The following PPP4R3A variants were observed in gnomAD, a reference collection of about 807,000 sequenced individuals.
PPP4R3A encodes the protein protein phosphatase 4 regulatory subunit 3A, also known as serine/threonine-protein phosphatase 4 regulatory subunit 3A.
A neutral mutation model predicts 91.7 loss-of-function variants in PPP4R3A; 15 were observed. The ratio of observed to expected loss-of-function variants is 0.16; its 90% CI spans 0.11 to 0.25. The LOEUF (loss-of-function observed/expected upper bound fraction) is 0.25, where lower values mean the gene tolerates loss of function less well. Ranked by LOEUF, PPP4R3A falls within the 10% of genes least tolerant of loss-of-function variation. PPP4R3A has a pLI of 1.00. For synonymous variants in PPP4R3A, 377 were observed against 348.7 expected, an observed-to-expected ratio of 1.08 and a Z score of -0.91; for missense variants, 623 against 998.4, an observed-to-expected ratio of 0.62 and a Z score of 5.07.
intron 4 of PPP4R3A, 70 bp downstream of exon 4, chr14:91,481,506 T>C: frequency 1.0e-5 from 15 of 1,430,102 alleles, no homozygotes; most frequent in African/African-American, 1.4e-5. Flanking sequence ...ACTCAATGTA[T>C]GTATTTAAAA....
intron 2 of PPP4R3A, among the ~76,000 whole-genome samples, chr14:91,490,214 CTAATA>C: frequency 6.6e-6 from 1 of 152,284 alleles, no homozygotes. Context: ...GATTTACTTT[CTAATA>C]TTTTTTTGCA....
intron 14 of PPP4R3A, among the ~76,000 whole-genome samples, chr14:91,460,731 C>T (rs892710712): frequency 6.9e-6 from 1 of 144,760 alleles, no homozygotes; most frequent in African/African-American, 2.6e-5. Flanking sequence ...TGCCATTCTC[C>T]TGCCTCAGCC....
chr14:91,473,556 G>A (rs1888980809), intron 7 of PPP4R3A, among the ~76,000 whole-genome samples, 186 bp from the exon 8 acceptor site: 1 of 152,104 alleles, frequency 6.6e-6, no homozygotes, highest in South Asian at 2.1e-4. Flanking sequence ...TGTGGTACAG[G>A]GACATAGCCC....
chr14:91,485,151 A>G (rs966749057), intron 3 of PPP4R3A, among the ~76,000 whole-genome samples: 2 of 152,250 alleles, frequency 1.3e-5, no homozygotes, highest in Non-Finnish European at 2.9e-5. Context: ...TCAAGACAAA[A>G]CCAATAAACC....
intron 5 of PPP4R3A, 124 bp from the exon 6 acceptor site, chr14:91,476,648 C>T (rs1889225861): frequency 4.2e-6 from 3 of 712,620 alleles, no homozygotes; most frequent in South Asian, 2.0e-5. Context: ...TCACTGCAAC[C>T]TCCACCTCCC....
At position 91,491,696 on chromosome 14, in the gene PPP4R3A, C is replaced by T. The variant is rs182671930; in HGVS notation, c.143-894G>A. 5.3e-5 allele frequency among the ~76,000 whole-genome samples: 8 copies of T among 152,266 alleles called. No individual in the cohort carries two copies. The East Asian group carries it at 5.8e-4, about 11-fold the overall frequency. On this transcript the variant is annotated intron_variant, in intron 1 of 14. Transcript: ENST00000554943. ...CTGGGATTACAGGCGTGAGCCACCA[C>T]GCCTGGCCTAGAAAAATTATTTTTA...
chr14:91,477,221 T>C (rs1462654026), intron 4 of PPP4R3A, among the ~76,000 whole-genome samples: 1 of 152,132 alleles, frequency 6.6e-6, no homozygotes, highest in Non-Finnish European at 1.5e-5. Context: ...ATTTTGAGCT[T>C]TGCGGCCCAT....
Position 91,507,475 on chromosome 14 carries a change from C to CTA in PPP4R3A, c.142+2029_142+2030dup, listed in dbSNP as rs1177866326. ...AGTATATATACTATAATTATATATA[C>CTA]TATAGTTATATATACTATATAGAAT... On this transcript the variant is annotated intron_variant, in intron 1 of 14. Coordinates refer to ENST00000554943, the MANE Select transcript of PPP4R3A (RefSeq NM_001366432.2). Among the ~76,000 whole-genome samples, 349 of 128,990 alleles carry CTA rather than the reference C, an allele frequency of 2.7e-3. 24 individuals carry two copies. Among genetic ancestry groups the CTA allele is most frequent in the African/African-American group, 0.01 (307 of 29,806 alleles). 84.6% of individuals were successfully genotyped at this position (128,990 alleles called of 152,430 possible). A position where few individuals can be genotyped will look rare whatever the true frequency, so the allele number is the denominator to read the frequency against.
chr14:91,508,608 A>G (rs1261177008), intron 1 of PPP4R3A, among the ~76,000 whole-genome samples: 1 of 152,206 alleles, frequency 6.6e-6, no homozygotes, highest in East Asian at 1.9e-4. Flanking sequence ...AACAGTGGCA[A>G]TCCCTACAGA....
chr14:91,464,399 A>G (rs572688002), intron 11 of PPP4R3A, among the ~76,000 whole-genome samples: 2 of 150,266 alleles, frequency 1.3e-5, no homozygotes, highest in South Asian at 2.1e-4. Context: ...GCTGCCAACA[A>G]TGTGAATGTT....
At chr14:91,508,370 G>C (rs1009702852) in intron 1 of PPP4R3A, among the ~76,000 whole-genome samples, 1 of 152,170 alleles carries the variant, frequency 6.6e-6, no homozygotes, top group Non-Finnish European at 1.5e-5. Flanking sequence ...TGGAATTGGA[G>C]TTCTGGGGAG....
intron 10 of PPP4R3A, among the ~76,000 whole-genome samples, chr14:91,465,793 A>G (rs1888440298): frequency 6.6e-6 from 1 of 152,226 alleles, no homozygotes; most frequent in Non-Finnish European, 1.5e-5. Flanking sequence ...CCACCTTAAT[A>G]GAAAAAACCA....
rs1891721646 is a variant in PPP4R3A at position 91,510,270 on chromosome 14, C to G, written c.-623G>C. 6.5e-6 allele frequency: 1 copy of G among 152,824 alleles called. No homozygotes were observed. Among genetic ancestry groups the G allele is most frequent in the South Asian group, 2.1e-4 (1 of 4,862 alleles). 9.5% of individuals were successfully genotyped at this position (152,824 alleles called of 1,614,324 possible). A position where few individuals can be genotyped will look rare whatever the true frequency, so the allele number is the denominator to read the frequency against. ...GTCTCTTCCGTCTTCCTCACACAGC[C>G]AAAACCGCCGCCATCTTGGTTCGCC... On this transcript the variant is annotated 5_prime_UTR_variant, in exon 1 of 15. Coordinates refer to ENST00000554943, the MANE Select transcript of PPP4R3A (RefSeq NM_001366432.2).
chr14:91,464,745 A>C (rs1020212354), intron 11 of PPP4R3A, among the ~76,000 whole-genome samples: 1 of 152,214 alleles, frequency 6.6e-6, no homozygotes, highest in African/African-American at 2.4e-5. Context: ...TGTCAAGTGT[A>C]GTTTTGCTTT....
chr14:91,486,958 T>C (rs1199468009), intron 2 of PPP4R3A, among the ~76,000 whole-genome samples: 2 of 143,720 alleles, frequency 1.4e-5, no homozygotes, highest in African/African-American at 2.6e-5. Context: ...GCCTAATATA[T>C]CCTTTTGGCA....
chr14:91,476,937 G>C lies in PPP4R3A; in HGVS notation c.965C>G (p.Ala322Gly). The change falls in exon 5 of 15, where the codon GCA (alanine) becomes GGA (glycine). Residue 322 changes from alanine to glycine, a missense_variant. Physicochemically the swap from Ala to Gly is moderately conservative, Grantham distance 60. Coordinates refer to ENST00000554943, the MANE Select transcript of PPP4R3A (RefSeq NM_001366432.2). ...TDLFAQLTDEATDEEKRQELV... is the reference protein window; with the variant it reads ...TDLFAQLTDEGTDEEKRQELV... The stretch of plus-strand genomic sequence containing the variant: ...TTCCTGTCTTTTTTCCTCATCTGTT[G>C]CTTCATCTGTTAGTTGTGCAAACAA... The C allele has an allele frequency of 6.2e-7, 1 of 1,601,138 alleles. No homozygotes were observed. The highest frequency in any genetic ancestry group is 8.5e-7 in the Non-Finnish European group (1 of 1,172,642).
At chr14:91,503,234 C>G (rs772972786) in intron 1 of PPP4R3A, among the ~76,000 whole-genome samples, 9 of 152,102 alleles carry the variant, frequency 5.9e-5, no homozygotes, top group Non-Finnish European at 1.2e-4. Context: ...GCAATCCTCC[C>G]CCACCTTGGC....
chr14:91,473,571 T>C (rs1164886097), intron 7 of PPP4R3A, among the ~76,000 whole-genome samples: 4 of 152,220 alleles, frequency 2.6e-5, no homozygotes, highest in Non-Finnish European at 4.4e-5. Context: ...TAGCCCTAAA[T>C]AGAAATTTCT....
intron 1 of PPP4R3A, among the ~76,000 whole-genome samples, chr14:91,492,038 G>T (rs929442361): frequency 1.3e-5 from 2 of 152,176 alleles, no homozygotes; most frequent in Non-Finnish European, 2.9e-5. Context: ...ACTTTTAGCA[G>T]TAAAGACATG....
Sources: gnomAD v4.1 joint callset for allele counts (sites outside exome capture counted in the v4.1 genomes callset) on GRCh38, gnomAD v4.1.1 for gene constraint, MANE v1.5 for transcripts, NCBI Gene and HGNC (gene_info 2026-07-23, HGNC 2026-07-21) for gene names.